The following EML1 variants were observed in gnomAD, a reference collection of about 807,000 sequenced individuals.
EML1 encodes EMAP like 1.
A neutral mutation model predicts 110.4 loss-of-function variants in EML1; 27 were observed. The ratio of observed to expected loss-of-function variants is 0.24; its 90% CI spans 0.18 to 0.34. EML1 has a LOEUF of 0.34. Among genes scored for constraint, EML1 ranks in the 10% least tolerant of loss-of-function variants. EML1 has a pLI of 1.00. For missense variants in EML1, 741 were observed against 1,030.9 expected, an observed-to-expected ratio of 0.72 and a Z score of 3.85; for synonymous variants, 344 against 385.8, an observed-to-expected ratio of 0.89 and a Z score of 1.27.
At chr14:99,840,686 C>CT (rs2058618428) in intron 1 of EML1, among the ~76,000 whole-genome samples, 1 of 152,200 alleles carries the variant, frequency 6.6e-6, no homozygotes, top group African/African-American at 2.4e-5. Context: ...TACTAGGCCA[C>CT]TTTAACCTCC....
chr14:99,895,873 G>A (rs140654526), intron 6 of EML1, among the ~76,000 whole-genome samples: 80 of 151,920 alleles, frequency 5.3e-4, no homozygotes, highest in African/African-American at 1.7e-3. Context: ...AACTTGGCAA[G>A]TCCCTGTCTC....
chr14:99,824,050 G>A (rs550527046), intron 1 of EML1, among the ~76,000 whole-genome samples: 15 of 152,228 alleles, frequency 9.9e-5, no homozygotes, highest in African/African-American at 2.4e-4. Flanking sequence ...TCTGCCTCCC[G>A]GATTGAAGGG....
chr14:99,923,597 C>T (rs537500608), intron 17 of EML1, among the ~76,000 whole-genome samples: 11 of 152,138 alleles, frequency 7.2e-5, no homozygotes, highest in African/African-American at 1.4e-4. Flanking sequence ...AAAAATCAAT[C>T]GATCAGAAAT....
chr14:99,808,476 A>T (rs1221673729), intron 1 of EML1, among the ~76,000 whole-genome samples: 1 of 152,218 alleles, frequency 6.6e-6, no homozygotes, highest in African/African-American at 2.4e-5. Flanking sequence ...AAGCCTCCTA[A>T]TTACTGTAGG....
exon 1 of EML1, chr14:99,773,606 TC>T (rs1388039121): frequency 1.3e-5 from 2 of 152,280 alleles, no homozygotes; most frequent in Non-Finnish European, 2.9e-5. Context: ...TCTGCAGAAC[TC>T]CCAGGCCACG....
chr14:99,821,926 C>T (rs940102780), intron 1 of EML1, among the ~76,000 whole-genome samples: 1 of 152,212 alleles, frequency 6.6e-6, no homozygotes, highest in African/African-American at 2.4e-5. Flanking sequence ...TGTTTGTTCA[C>T]TCCCTATCAG....
intron 4 of EML1, among the ~76,000 whole-genome samples, chr14:99,887,354 C>A (rs1241586927): frequency 6.6e-6 from 1 of 152,186 alleles, no homozygotes; most frequent in African/African-American, 2.4e-5. Context: ...AATAGCCAAG[C>A]GCTGAGAGTT....
intron 1 of EML1, among the ~76,000 whole-genome samples, chr14:99,746,864 TG>T (rs911081030): frequency 3.9e-5 from 6 of 152,160 alleles, no homozygotes; most frequent in Non-Finnish European, 8.8e-5. Flanking sequence ...CAGTTCTTCC[TG>T]GGGAGAGAAG....
chr14:99,769,081 G>T (rs1405771404), upstream of EML1, among the ~76,000 whole-genome samples: 3 of 152,218 alleles, frequency 2.0e-5, no homozygotes, highest in East Asian at 5.8e-4. Flanking sequence ...GTATTGGTTG[G>T]TGGTTTCGAT....
chr14:99,898,613 G>A (rs957268817), intron 8 of EML1, among the ~76,000 whole-genome samples: 2 of 152,082 alleles, frequency 1.3e-5, no homozygotes, highest in African/African-American at 2.4e-5. Flanking sequence ...TTAGCCAGGC[G>A]TGGTGTCACA....
Position 99,742,092 on chromosome 14 carries a change from C to T in EML1, c.28+4232C>T, listed in dbSNP as rs539692808. 6.6e-5 allele frequency among the ~76,000 whole-genome samples: 10 copies of T among 152,300 alleles called. No homozygotes were observed. The East Asian group carries it at 1.2e-3, about 18-fold the overall frequency. ...ACAGGCCAGCACACGGCTCTGGACA[C>T]ATGTCCCGAGTTCTGACATCAAGTA... On this transcript the variant is annotated intron_variant, in intron 1 of 10. Coordinates refer to the EML1 transcript ENST00000554479.
At chr14:99,889,372 C>T (rs893727281) in intron 4 of EML1, among the ~76,000 whole-genome samples, 4 of 152,134 alleles carry the variant, frequency 2.6e-5, no homozygotes, top group African/African-American at 9.7e-5. Flanking sequence ...ACAGGAGCTC[C>T]AGGCCTCACA....
intron 1 of EML1, among the ~76,000 whole-genome samples, chr14:99,811,874 G>A (rs887531363): frequency 6.6e-6 from 1 of 151,660 alleles, no homozygotes; most frequent in Non-Finnish European, 1.5e-5. Flanking sequence ...ATAAGGAAGA[G>A]AAAATACATG....
At chr14:99,885,072 C>A (rs2145860) in intron 4 of EML1, among the ~76,000 whole-genome samples, 49,954 of 152,150 alleles carry the variant, frequency 0.33, 8,637 homozygotes, top group African/African-American at 0.4. Context: ...GCTCTGGAGG[C>A]CCAGGCCGTG....
chr14:99,882,941 C>G (rs949225170), intron 4 of EML1, among the ~76,000 whole-genome samples: 1 of 152,130 alleles, frequency 6.6e-6, no homozygotes, highest in African/African-American at 2.4e-5. Flanking sequence ...GCTGTCAGGT[C>G]GAGAACCACT....
In EML1 at chr14:99,917,832, C is replaced by T. The variant is rs1259951857; in HGVS notation, c.1803C>T (p.Val601=). The T allele has an allele frequency of 2.5e-6, 4 of 1,614,142 alleles. No homozygotes were observed. The highest frequency in any genetic ancestry group is 1.7e-6 in the Non-Finnish European group (2 of 1,180,030). The change falls in exon 16 of 22, where the codon GTC becomes GTT. Residue 601 remains valine (V), a synonymous_variant. Transcript: ENST00000262233. ...GFHPSGSVVA[V]GTLTGRWFVF... is the part of the protein sequence containing the mutation. ...ATCCTTCAGGGTCTGTGGTTGCAGTCGGAACACTCACTGGGAGGTAAGTCC... is the reference window on the plus strand; with the variant it reads ...ATCCTTCAGGGTCTGTGGTTGCAGTTGGAACACTCACTGGGAGGTAAGTCC...
intron 1 of EML1, among the ~76,000 whole-genome samples, chr14:99,761,050 G>T (rs2057309026): frequency 6.6e-6 from 1 of 152,126 alleles, no homozygotes. Context: ...CTCTGTGCCA[G>T]ACACTGTTCA....
intron 4 of EML1, among the ~76,000 whole-genome samples, chr14:99,885,629 C>G (rs2059460125): frequency 6.6e-6 from 1 of 152,182 alleles, no homozygotes; most frequent in South Asian, 2.1e-4. Flanking sequence ...AAATGTTTCA[C>G]TCTTCAAGCC....
Position 99,763,041 on chromosome 14 carries a change from T to C in EML1, c.28+25181T>C, listed in dbSNP as rs141820389. ...GGCAATTGAATCATGGGGCAGGTCT[T>C]TCCCATGCTGTTCTCATCATAGTAA... On this transcript the variant is annotated intron_variant, in intron 1 of 10. Transcript: ENST00000554479. 9.1e-4 allele frequency among the ~76,000 whole-genome samples: 139 copies of C among 152,270 alleles called. 1 individual carries two copies. The highest frequency in any genetic ancestry group is 3.4e-3 in the Middle Eastern group (1 of 294).
Sources: gnomAD v4.1 joint callset for allele counts (sites outside exome capture counted in the v4.1 genomes callset) on GRCh38, gnomAD v4.1.1 for gene constraint, MANE v1.5 for transcripts, NCBI Gene and HGNC (gene_info 2026-07-23, HGNC 2026-07-21) for gene names.